TMEM233: variants seen among roughly 807,000 people sequenced by gnomAD.
The protein encoded by TMEM233 is dispanin subfamily B member 2.
Under a neutral mutation model 11.2 loss-of-function variants are expected in TMEM233, and 6 were observed. The ratio of observed to expected loss-of-function variants is 0.54; its 90% CI spans 0.29 to 1.06. The LOEUF is 1.06. TMEM233 is among the 50% of genes least tolerant of loss of function. The probability of loss-of-function intolerance (pLI) is 0.08; values close to 1 mark genes in which losing one functional copy is unlikely to be tolerated. For missense variants in TMEM233, 127 were observed against 144.7 expected (o/e 0.88, Z 0.63); for synonymous variants, 59 against 55.8 (o/e 1.06, Z -0.26).
chr12:119,611,787 A>G (rs1055709943), intron 1 of TMEM233, among the ~76,000 whole-genome samples: 2 of 152,098 alleles, frequency 1.3e-5, no homozygotes, highest in African/African-American at 4.8e-5. Context: ...GGCAAACATC[A>G]TGTTGGGCTA....
At chr12:119,639,869 C>A (rs1308019855) in intron 2 of TMEM233, among the ~76,000 whole-genome samples, 1 of 152,160 alleles carries the variant, frequency 6.6e-6, no homozygotes, top group Non-Finnish European at 1.5e-5. Flanking sequence ...GGTATTATTA[C>A]TATCATCAGC....
intron 2 of TMEM233, among the ~76,000 whole-genome samples, chr12:119,637,160 G>C (rs1954981771): frequency 6.6e-6 from 1 of 152,136 alleles, no homozygotes; most frequent in South Asian, 2.1e-4. Flanking sequence ...TGTTTTTGAG[G>C]AACATAAATA....
intron 2 of TMEM233, among the ~76,000 whole-genome samples, chr12:119,639,515 G>A (rs924349831): frequency 1.1e-4 from 17 of 151,998 alleles, no homozygotes; most frequent in African/African-American, 4.1e-4. Context: ...CCAGCTACTT[G>A]GGAGGCTGAG....
intron 1 of TMEM233, among the ~76,000 whole-genome samples, chr12:119,599,177 C>G (rs1173361397): frequency 6.6e-6 from 1 of 152,146 alleles, no homozygotes; most frequent in African/African-American, 2.4e-5. Context: ...TGTTTTGCTC[C>G]CACCCCTTCT....
intron 1 of TMEM233, among the ~76,000 whole-genome samples, chr12:119,597,274 G>A (rs1954067325): frequency 6.6e-6 from 1 of 152,230 alleles, no homozygotes; most frequent in South Asian, 2.1e-4. Context: ...GATTTGGGGT[G>A]TTACTGGCAT....
In TMEM233 at chr12:119,593,931, A is replaced by G; in HGVS notation, c.83A>G (p.Glu28Gly). Residue 28 changes from glutamate to glycine, a missense_variant, in exon 1 of 3, where the codon GAG becomes GGG. Glu to Gly is a moderately conservative substitution (Grantham distance 98). Transcript: ENST00000426426. This position sits in a 1 kb window ranked among gnomAD's most constrained non-coding sequence, Gnocchi z 4.1. The part of the protein sequence containing the change: ...PEANTEDDKT[E>G]EDVPMPKNYL... ...GCCAACACTGAAGATGACAAGACCGAGGAGGACGTGCCCATGCCCAAGAAC... is the reference window on the plus strand; with the variant it reads ...GCCAACACTGAAGATGACAAGACCGGGGAGGACGTGCCCATGCCCAAGAAC... The G allele has an allele frequency of 1.9e-6, 3 of 1,551,750 alleles. No homozygotes were observed. Among genetic ancestry groups the G allele is most frequent in the Non-Finnish European group, 2.6e-6 (3 of 1,146,992 alleles).
chr12:119,605,575 C>T (rs576004429), intron 1 of TMEM233, among the ~76,000 whole-genome samples: 11 of 151,936 alleles, frequency 7.2e-5, no homozygotes, highest in East Asian at 1.9e-4. Flanking sequence ...ACTATAGGCA[C>T]GCACCACCAT....
chr12:119,649,072 A>C, the TMEM233 span, among the ~76,000 whole-genome samples: 65 of 152,220 alleles, frequency 4.3e-4, 1 homozygote, highest in African/African-American at 1.4e-3. Context: ...CCGAGGTAGG[A>C]GGATCACCTG....
Position 119,593,941 on chromosome 12 carries a change from G to A in TMEM233, c.93G>A (p.Val31=), listed in dbSNP as rs551764171. ...AAGATGACAAGACCGAGGAGGACGT[G>A]CCCATGCCCAAGAACTACCTGTGGC... ...NTEDDKTEED[V]PMPKNYLWLT... Residue 31 remains valine (V), a synonymous_variant, in exon 1 of 3, where the codon GTG becomes GTA. Transcript: ENST00000426426. The surrounding 1 kb of genome is among the most constrained non-coding windows in gnomAD (Gnocchi z 4.1). 1 of 1,551,748 alleles carries A rather than the reference G, an allele frequency of 6.4e-7. No individual in the cohort carries two copies. The highest frequency in any genetic ancestry group is 1.4e-5 in the African/African-American group (1 of 73,184).
At chr12:119,624,290 G>T (rs571033153) in intron 1 of TMEM233, among the ~76,000 whole-genome samples, 3 of 151,888 alleles carry the variant, frequency 2.0e-5, no homozygotes, top group East Asian at 1.9e-4. Flanking sequence ...AGCCCAGGAG[G>T]TCGAGGCTGC....
intron 2 of TMEM233, among the ~76,000 whole-genome samples, chr12:119,630,455 G>C (rs961174853): frequency 6.6e-6 from 1 of 152,184 alleles, no homozygotes; most frequent in South Asian, 2.1e-4. Context: ...AGCCTTGCAG[G>C]CCATATGGTC....
At chr12:119,607,768 C>G (rs1341563204) in intron 1 of TMEM233, among the ~76,000 whole-genome samples, 1 of 151,966 alleles carries the variant, frequency 6.6e-6, no homozygotes, top group Non-Finnish European at 1.5e-5. Context: ...GCATGCATCA[C>G]CACACCCGAC....
chr12:119,648,223 C>T, the TMEM233 span, among the ~76,000 whole-genome samples: 1 of 152,268 alleles, frequency 6.6e-6, no homozygotes, highest in East Asian at 1.9e-4. Flanking sequence ...GGTTTGCCAC[C>T]ACTAACAATA....
chr12:119,594,267 C>T lies in TMEM233; in HGVS notation c.186+233C>T. The T allele has an allele frequency of 2.0e-6, 1 of 505,636 alleles. No homozygotes were observed. 31.3% of individuals were successfully genotyped at this position (505,636 alleles called of 1,614,324 possible). ...GTACTCAGAGCCCTGATCAAGCTTC[C>T]CCCAGGCTAGCTTTCCTCTTCTTTC... On this transcript the variant is annotated intron_variant, in intron 1 of 2. Transcript: ENST00000426426. This position sits in a 1 kb window ranked among gnomAD's most constrained non-coding sequence, Gnocchi z 5.6.
chr12:119,650,440 G>C, the TMEM233 span, among the ~76,000 whole-genome samples: 2 of 152,174 alleles, frequency 1.3e-5, no homozygotes, highest in African/African-American at 4.8e-5. Flanking sequence ...CTAACTCTCA[G>C]AGTTTAGTTC....
chr12:119,615,173 T>TAAAAAAAAAAAAAAAAA (rs60318959), intron 1 of TMEM233, among the ~76,000 whole-genome samples: 34 of 56,198 alleles, frequency 6.1e-4, no homozygotes, highest in East Asian at 3.0e-3. Flanking sequence ...CGCTTTCTGC[T>TAAAAAAAAAAAAAAAAA]AAAAAAAAAA....
chr12:119,644,520 C>G (rs1450470927), downstream of TMEM233, among the ~76,000 whole-genome samples: 2 of 147,550 alleles, frequency 1.4e-5, no homozygotes, highest in African/African-American at 5.0e-5. Flanking sequence ...ACTCATTGCC[C>G]AGGCTGGAGT....
At chr12:119,648,089 C>T in the TMEM233 span, among the ~76,000 whole-genome samples, 2 of 152,162 alleles carry the variant, frequency 1.3e-5, no homozygotes, top group African/African-American at 4.8e-5. Flanking sequence ...CATAGCTGGT[C>T]CTTTCTTCCC....
intron 1 of TMEM233, among the ~76,000 whole-genome samples, chr12:119,624,515 T>A (rs1200876860): frequency 6.6e-6 from 1 of 152,250 alleles, no homozygotes; most frequent in East Asian, 1.9e-4. Context: ...GGGGAAAAAA[T>A]TCTGACACAT....
Sources: allele counts gnomAD v4.1 joint callset (sites outside exome capture counted in the v4.1 genomes callset), GRCh38; gene constraint gnomAD v4.1.1; non-coding constraint Gnocchi (gnomAD v3.1); transcripts MANE v1.5; gene names NCBI Gene and HGNC (gene_info 2026-07-23, HGNC 2026-07-21).